The following MAP1LC3B2 variants were observed in gnomAD, a reference collection of about 807,000 sequenced individuals.
MAP1LC3B2 encodes microtubule-associated protein 1 light chain 3 beta 2.
For missense variants in MAP1LC3B2, 155 were observed against 154.6 expected (o/e 1.00, Z -0.01); for synonymous variants, 62 against 57.8 (o/e 1.07, Z -0.33).
At chr12:116,566,570 A>G (rs761542197) in intron 1 of MAP1LC3B2, among the ~76,000 whole-genome samples, 4 of 148,468 alleles carry the variant, frequency 2.7e-5, no homozygotes, top group Non-Finnish European at 3.0e-5. Flanking sequence ...CCCATTTCAG[A>G]GATGAAAAAT....
At chr12:116,573,503 C>CCTTTTT (rs763293826) in intron 1 of MAP1LC3B2, among the ~76,000 whole-genome samples, 31 of 152,104 alleles carry the variant, frequency 2.0e-4, no homozygotes, top group Non-Finnish European at 3.4e-4. Flanking sequence ...ATATCGTCTT[C>CCTTTTT]CTTTTTCTTT....
At chr12:116,561,446 C>T (rs2136958544) in intron 1 of MAP1LC3B2, among the ~76,000 whole-genome samples, 1 of 152,294 alleles carries the variant, frequency 6.6e-6, no homozygotes, top group South Asian at 2.1e-4. Flanking sequence ...TTACCAGGTC[C>T]TCCCCTGGCC....
intron 1 of MAP1LC3B2, among the ~76,000 whole-genome samples, chr12:116,570,552 C>T (rs1433543670): frequency 6.6e-6 from 1 of 152,136 alleles, no homozygotes; most frequent in Non-Finnish European, 1.5e-5. Flanking sequence ...GCAGTTTCCC[C>T]CATACTGTTC....
chr12:116,568,012 A>C (rs889312589), intron 1 of MAP1LC3B2, among the ~76,000 whole-genome samples: 4 of 152,166 alleles, frequency 2.6e-5, no homozygotes, highest in African/African-American at 9.7e-5. Context: ...GTGTTCAGTA[A>C]ATTATTTGTT....
intron 1 of MAP1LC3B2, among the ~76,000 whole-genome samples, chr12:116,572,220 C>T (rs1195608937): frequency 1.3e-5 from 2 of 152,176 alleles, no homozygotes; most frequent in Non-Finnish European, 2.9e-5. Flanking sequence ...GCAGCACGGG[C>T]ATCGTCTATT....
chr12:116,575,849 C>A lies in MAP1LC3B2; in HGVS notation c.-94C>A. The A allele has an allele frequency of 3.4e-6, 5 of 1,475,562 alleles. No individual in the cohort carries two copies. In the South Asian group the frequency reaches 5.7e-5, roughly 17 times the overall value. The allele number at this position is 1,475,562 out of a possible 1,614,324, so 91.4% of individuals were successfully genotyped here. A position where few individuals can be genotyped will look rare whatever the true frequency, so the allele number is the denominator to read the frequency against. ...GTTATTGTGCAAAAATAGCCTTACA[C>A]GGCCACAGTCGGATTCGCTGCCGCA... On this transcript the variant is annotated 5_prime_UTR_variant, in exon 2 of 2. Coordinates refer to ENST00000556529, the MANE Select transcript of MAP1LC3B2 (RefSeq NM_001085481.3).
At chr12:116,566,926 G>T in intron 1 of MAP1LC3B2, among the ~76,000 whole-genome samples, 1 of 46,842 alleles carries the variant, frequency 2.1e-5, no homozygotes, top group South Asian at 8.1e-4. Context: ...GTGAGACTCT[G>T]TCTCAAAAAA....
Position 116,576,102 on chromosome 12 carries a change from G to A in MAP1LC3B2, c.160G>A (p.Val54Ile). 2.5e-6 allele frequency: 4 copies of A among 1,614,204 alleles called. No individual in the cohort carries two copies. Among genetic ancestry groups the A allele is most frequent in the Middle Eastern group, 1.7e-4 (1 of 6,060 alleles). ...TGTTCTGGATAAAACAAAGTTCCTTGTACCTGACCATGTCAACATGAGTGA... is the reference window on the plus strand; with the variant it reads ...TGTTCTGGATAAAACAAAGTTCCTTATACCTGACCATGTCAACATGAGTGA... Reference protein sequence around the residue: ...LPVLDKTKFLVPDHVNMSELI... With the variant: ...LPVLDKTKFLIPDHVNMSELI... Residue 54 changes from valine (V) to isoleucine (I), a missense_variant, in exon 2 of 2, where the codon GTA (valine) becomes ATA (isoleucine). Coordinates refer to ENST00000556529, the MANE Select transcript of MAP1LC3B2 (RefSeq NM_001085481.3).
Position 116,560,466 on chromosome 12 carries a change from C to T in MAP1LC3B2, c.-102+1033C>T, listed in dbSNP as rs188501805. On this transcript the variant is annotated intron_variant, in intron 1 of 1. Coordinates refer to ENST00000556529, the MANE Select transcript of MAP1LC3B2 (RefSeq NM_001085481.3). ...TTCGCCATGTTGGCCAGGCTGGTCT[C>T]GAACTCCTGACCTCAAGTGATCCGC... Among the ~76,000 whole-genome samples the T allele has an allele frequency of 5.3e-5, 8 of 151,888 alleles. No individual in the cohort carries two copies. In the East Asian group the frequency reaches 1.4e-3, roughly 26 times the overall value.
chr12:116,562,300 A>C (rs939376604), intron 1 of MAP1LC3B2, among the ~76,000 whole-genome samples: 3 of 152,218 alleles, frequency 2.0e-5, no homozygotes, highest in Non-Finnish European at 4.4e-5. Context: ...CCGTAGCTCC[A>C]AACTCGCAAG....
At chr12:116,560,809 CTACAAA>C (rs1326428103) in intron 1 of MAP1LC3B2, among the ~76,000 whole-genome samples, 1 of 125,330 alleles carries the variant, frequency 8.0e-6, no homozygotes, top group Admixed American at 8.9e-5. Context: ...GACCCTGTTT[CTACAAA>C]TAGTTTAAAA....
intron 1 of MAP1LC3B2, among the ~76,000 whole-genome samples, chr12:116,575,142 T>G (rs1869638021): frequency 6.8e-6 from 1 of 146,612 alleles, no homozygotes; most frequent in Non-Finnish European, 1.5e-5. Context: ...ATGGTGCCAT[T>G]GCACTCCAGC....
At chr12:116,574,595 A>G (rs1317446807) in intron 1 of MAP1LC3B2, among the ~76,000 whole-genome samples, 3 of 151,978 alleles carry the variant, frequency 2.0e-5, no homozygotes, top group Non-Finnish European at 2.9e-5. Context: ...GCAGTGAGCT[A>G]TGATCGTGCC....
chr12:116,574,405 C>T (rs765887932), intron 1 of MAP1LC3B2, among the ~76,000 whole-genome samples: 1 of 152,044 alleles, frequency 6.6e-6, no homozygotes, highest in Non-Finnish European at 1.5e-5. Flanking sequence ...CATAAGGAGG[C>T]CGAGGTGGGC....
chr12:116,571,771 G>A (rs1869541700), intron 1 of MAP1LC3B2, among the ~76,000 whole-genome samples: 1 of 151,906 alleles, frequency 6.6e-6, no homozygotes, highest in Admixed American at 6.6e-5. Context: ...GTAAGCCACC[G>A]CGCCCGGCCA....
intron 1 of MAP1LC3B2, among the ~76,000 whole-genome samples, chr12:116,563,733 C>T (rs760400068): frequency 4.6e-5 from 7 of 152,110 alleles, no homozygotes; most frequent in Non-Finnish European, 8.8e-5. Context: ...TGCAATTATT[C>T]GTAGGATAGA....
chr12:116,566,538 G>GTTTTC (rs1566023610), intron 1 of MAP1LC3B2, among the ~76,000 whole-genome samples: 32 of 141,130 alleles, frequency 2.3e-4, no homozygotes, highest in African/African-American at 7.8e-4. Flanking sequence ...ATCCACAAAT[G>GTTTTC]TTGTTTTCTT....
Position 116,574,143 on chromosome 12 carries a change from G to T in MAP1LC3B2, c.-101-1699G>T, listed in dbSNP as rs1869610853. 3.3e-5 allele frequency among the ~76,000 whole-genome samples: 5 copies of T among 151,956 alleles called. No homozygotes were observed. The South Asian group carries it at 1.0e-3, about 32-fold the overall frequency. On this transcript the variant is annotated intron_variant, in intron 1 of 1. Coordinates refer to ENST00000556529, the MANE Select transcript of MAP1LC3B2 (RefSeq NM_001085481.3). ...GGTATTTTTGAAAATTTAAGCTGTG[G>T]CCCAGGACTCCTATTTCTGAGAATA...
intron 1 of MAP1LC3B2, among the ~76,000 whole-genome samples, chr12:116,569,151 C>T (rs537021723): frequency 9.6e-4 from 146 of 152,148 alleles, no homozygotes; most frequent in Middle Eastern, 6.8e-3. Flanking sequence ...TGTGAACTAC[C>T]GCGCCCGGCC....
Sources: gnomAD v4.1 joint callset for allele counts (sites outside exome capture counted in the v4.1 genomes callset) on GRCh38, gnomAD v4.1.1 for gene constraint, MANE v1.5 for transcripts, NCBI Gene and HGNC (gene_info 2026-07-23, HGNC 2026-07-21) for gene names.